ARHGAP20: variants seen among roughly 807,000 people sequenced by gnomAD.
The protein encoded by ARHGAP20 is Rho GTPase activating protein 20.
In ARHGAP20, 34 loss-of-function variants were observed where a neutral mutation model predicts 73.7. The ratio of observed to expected loss-of-function variants is 0.46; its 90% confidence interval spans 0.35 to 0.61. The LOEUF (loss-of-function observed/expected upper bound fraction) is 0.61, where lower values mean the gene tolerates loss of function less well. Among genes scored for constraint, ARHGAP20 ranks in the 20% least tolerant of loss-of-function variants. The pLI, the probability that ARHGAP20 is intolerant of heterozygous loss-of-function variation, is 0.00. For synonymous variants in ARHGAP20, 523 were observed against 518.2 expected, an observed-to-expected ratio of 1.01 and a Z score of -0.13; for missense variants, 1,314 against 1,420.9, an observed-to-expected ratio of 0.92 and a Z score of 1.21.
intron 2 of ARHGAP20, among the ~76,000 whole-genome samples, chr11:110,677,960 T>C (rs900516552): frequency 6.6e-6 from 1 of 152,156 alleles, no homozygotes; most frequent in African/African-American, 2.4e-5. Context: ...AGCCAAAATG[T>C]GGAAACAACC....
At chr11:110,585,384 T>C (rs1399941998) in intron 12 of ARHGAP20, among the ~76,000 whole-genome samples, 1 of 150,970 alleles carries the variant, frequency 6.6e-6, no homozygotes, top group Non-Finnish European at 1.5e-5. Context: ...ATAATGGAAG[T>C]GGAGGTGGTA....
intron 1 of ARHGAP20, among the ~76,000 whole-genome samples, chr11:110,702,197 G>T (rs2135145092): frequency 6.6e-6 from 1 of 152,088 alleles, no homozygotes; most frequent in East Asian, 1.9e-4. Flanking sequence ...ATGATCAAGT[G>T]GGCTTCATCC....
intron 13 of ARHGAP20, among the ~76,000 whole-genome samples, chr11:110,582,994 T>C (rs1397776844): frequency 1.3e-5 from 2 of 152,192 alleles, no homozygotes; most frequent in African/African-American, 2.4e-5. Flanking sequence ...TGTGACTCCA[T>C]TGAGAGGTAC....
chr11:110,674,090 C>T (rs571858556), intron 2 of ARHGAP20, among the ~76,000 whole-genome samples: 2 of 152,132 alleles, frequency 1.3e-5, no homozygotes, highest in African/African-American at 2.4e-5. Flanking sequence ...AGGTGTGTGT[C>T]ACCACACCCA....
At chr11:110,650,047 A>G (rs1949314844) in intron 2 of ARHGAP20, among the ~76,000 whole-genome samples, 1 of 152,174 alleles carries the variant, frequency 6.6e-6, no homozygotes, top group Non-Finnish European at 1.5e-5. Flanking sequence ...CTGGTATATG[A>G]GCAGTATCTG....
At chr11:110,623,312 T>A (rs939711675) in intron 4 of ARHGAP20, among the ~76,000 whole-genome samples, 2 of 152,212 alleles carry the variant, frequency 1.3e-5, no homozygotes, top group Non-Finnish European at 2.9e-5. Flanking sequence ...TGATGGACAC[T>A]AACTTTAAGT....
In ARHGAP20 at chr11:110,624,251, G is replaced by A; in HGVS notation, c.414C>T (p.Ser138=). The part of the protein sequence containing the change: ...KIKLTDMWTA[S]CVDEVGEGNT... ...TGCCTTCTCCCACTTCATCCACACA[G>A]CTTGCTGTCCACATATCAGTTAATT... The change falls in exon 4 of 15, where the codon AGC becomes AGT. Residue 138 remains serine (S), a synonymous_variant. Coordinates refer to ENST00000683387, the MANE Select transcript of ARHGAP20 (RefSeq NM_001384657.1). 1 of 1,611,836 alleles carries A rather than the reference G, an allele frequency of 6.2e-7. No homozygotes were observed. The highest frequency in any genetic ancestry group is 1.7e-4 in the Middle Eastern group (1 of 6,028).
intron 2 of ARHGAP20, among the ~76,000 whole-genome samples, chr11:110,682,486 T>TA (rs1950056142): frequency 6.6e-6 from 1 of 152,134 alleles, no homozygotes; most frequent in Non-Finnish European, 1.5e-5. Context: ...TGCACTAAGG[T>TA]ACTGTATCAT....
intron 12 of ARHGAP20, among the ~76,000 whole-genome samples, chr11:110,584,172 G>A (rs142840746): frequency 6.6e-6 from 1 of 152,254 alleles, no homozygotes; most frequent in East Asian, 1.9e-4. Context: ...CTGTCTCTTG[G>A]TAAGAACCCA....
rs1188936353 is a variant in ARHGAP20 at position 110,712,298 on chromosome 11, CCGGAGGGGCGAGGACGCGCGGG to C, written c.-89_-68del. On this transcript the variant is annotated 5_prime_UTR_variant, in exon 1 of 15. Transcript: ENST00000683387. Reference sequence around the variant, plus strand: ...CACGATCATGTCCGCGGGCTGCCGGCCGGAGGGGCGAGGACGCGCGGGCGGAGGCGCGGCTGCCGTGCTCAGG... The same window carrying C: ...CACGATCATGTCCGCGGGCTGCCGGCCGGAGGCGCGGCTGCCGTGCTCAGG... The C allele has an allele frequency of 3.3e-6, 4 of 1,227,260 alleles. No individual in the cohort carries two copies. Among genetic ancestry groups the C allele is most frequent in the Non-Finnish European group, 4.1e-6 (4 of 965,652 alleles). The allele number at this position is 1,227,260 out of a possible 1,614,324, so 76.0% of individuals were successfully genotyped here.
rs1947365614 is a variant in ARHGAP20 at position 110,579,175 on chromosome 11, A to G, written c.*195T>C. 1 of 1,272,932 alleles carries G rather than the reference A, an allele frequency of 7.9e-7. No homozygotes were observed. Among genetic ancestry groups the G allele is most frequent in the South Asian group, 2.7e-5 (1 of 37,206 alleles). 78.9% of individuals were successfully genotyped at this position (1,272,932 alleles called of 1,614,324 possible). A position where few individuals can be genotyped will look rare whatever the true frequency, so the allele number is the denominator to read the frequency against. ...ATAAGAAAAAGCCTCCCAAACACTT[A>G]GGTGACAAAATTTTTAGCATAAAGT... is the stretch of plus-strand genomic sequence containing the variant. On this transcript the variant is annotated 3_prime_UTR_variant, in exon 15 of 15. Transcript: ENST00000683387.
At chr11:110,593,576 A>C (rs2134834264) in intron 9 of ARHGAP20, among the ~76,000 whole-genome samples, 1 of 152,334 alleles carries the variant, frequency 6.6e-6, no homozygotes, top group South Asian at 2.1e-4. Context: ...TTTTAGGCTG[A>C]GGGCAGGCCC....
Position 110,579,004 on chromosome 11 carries a change from C to G in ARHGAP20, c.*366G>C. 3 of 997,250 alleles carry G rather than the reference C, an allele frequency of 3.0e-6. No individual in the cohort carries two copies. The highest frequency in any genetic ancestry group is 3.6e-6 in the Non-Finnish European group (3 of 836,282). The allele number at this position is 997,250 out of a possible 1,614,324, so 61.8% of individuals were successfully genotyped here. A position where few individuals can be genotyped will look rare whatever the true frequency, so the allele number is the denominator to read the frequency against. On this transcript the variant is annotated 3_prime_UTR_variant, in exon 15 of 15. Coordinates refer to ENST00000683387, the MANE Select transcript of ARHGAP20 (RefSeq NM_001384657.1). ...TACCCTTCCCCTCTCTCCTCAGGCC[C>G]CTATTCCTCATTCCTGATATCTTGG...
At chr11:110,637,623 G>A in intron 2 of ARHGAP20, among the ~76,000 whole-genome samples, 1 of 152,118 alleles carries the variant, frequency 6.6e-6, no homozygotes, top group Non-Finnish European at 1.5e-5. Context: ...TACCAGCCAT[G>A]TGCCAGGCAT....
intron 9 of ARHGAP20, among the ~76,000 whole-genome samples, chr11:110,602,551 G>GCCAA (rs1948135827): frequency 6.6e-6 from 1 of 152,140 alleles, no homozygotes; most frequent in African/African-American, 2.4e-5. Context: ...TTTCTGAGTG[G>GCCAA]CTCATTTGTT....
At chr11:110,633,961 TAAG>T (rs913283758) in intron 2 of ARHGAP20, among the ~76,000 whole-genome samples, 1 of 151,674 alleles carries the variant, frequency 6.6e-6, no homozygotes, top group African/African-American at 2.4e-5. Flanking sequence ...GAGCACAAAA[TAAG>T]AAAAAAGGCA....
chr11:110,653,253 A>G (rs1232548629), intron 2 of ARHGAP20, among the ~76,000 whole-genome samples: 2 of 152,236 alleles, frequency 1.3e-5, no homozygotes, highest in Non-Finnish European at 1.5e-5. Flanking sequence ...GCTTCTGCAC[A>G]GCCAAAGAAA....
chr11:110,632,068 C>A (rs1409163954), intron 2 of ARHGAP20, among the ~76,000 whole-genome samples: 2 of 152,054 alleles, frequency 1.3e-5, no homozygotes, highest in Non-Finnish European at 2.9e-5. Flanking sequence ...TATAAATATG[C>A]CAGAGTTTAT....
intron 2 of ARHGAP20, among the ~76,000 whole-genome samples, chr11:110,676,805 C>A (rs1310286313): frequency 6.6e-6 from 1 of 150,552 alleles, no homozygotes; most frequent in African/African-American, 2.5e-5. Flanking sequence ...AGACTTAAAT[C>A]TCCTCAAATA....
Sources: allele counts gnomAD v4.1 joint callset (sites outside exome capture counted in the v4.1 genomes callset), GRCh38; gene constraint gnomAD v4.1.1; transcripts MANE v1.5; gene names NCBI Gene and HGNC (gene_info 2026-07-23, HGNC 2026-07-21).